The following LARGE1 variants were observed in gnomAD, a reference collection of about 807,000 sequenced individuals.
LARGE1 encodes LARGE xylosyl- and glucuronyltransferase 1.
LARGE1 carries 43 observed loss-of-function variants against 87.6 expected under a neutral mutation model. The ratio of observed to expected loss-of-function variants is 0.49; its 90% confidence interval spans 0.38 to 0.63. LARGE1 has a LOEUF of 0.63. LARGE1 is among the 30% of genes least tolerant of loss of function. The pLI, the probability that LARGE1 is intolerant of heterozygous loss-of-function variation, is 0.00. For missense variants in LARGE1, 802 were observed against 1,000.2 expected, an observed-to-expected ratio of 0.80 and a Z score of 2.67; for synonymous variants, 434 against 394.6, an observed-to-expected ratio of 1.10 and a Z score of -1.18.
intron 1 of LARGE1, among the ~76,000 whole-genome samples, chr22:33,843,996 T>C (rs953568091): frequency 2.6e-5 from 4 of 151,382 alleles, no homozygotes; most frequent in African/African-American, 9.7e-5. Flanking sequence ...GGAGAATCGC[T>C]TGAACCCGGG....
At chr22:33,577,141 T>C (rs1428272914) in intron 5 of LARGE1, among the ~76,000 whole-genome samples, 1 of 152,192 alleles carries the variant, frequency 6.6e-6, no homozygotes, top group African/African-American at 2.4e-5. Context: ...ACTGCATGCA[T>C]TCTTAACAGA....
chr22:33,904,883 T>C (rs1179005643), intron 1 of LARGE1, among the ~76,000 whole-genome samples: 4 of 152,134 alleles, frequency 2.6e-5, no homozygotes, highest in Non-Finnish European at 5.9e-5. Context: ...TCAAGTGTGC[T>C]TAATCAGGAG....
chr22:33,713,982 G>GTAACGTAACATAACA (rs1556008353), intron 2 of LARGE1, among the ~76,000 whole-genome samples: 9 of 126,250 alleles, frequency 7.1e-5, no homozygotes, highest in Admixed American at 5.7e-4. Flanking sequence ...GTAACATAAC[G>GTAACGTAACATAACA]TAACATAACA....
chr22:33,814,755 T>C (rs1210657627), intron 1 of LARGE1, among the ~76,000 whole-genome samples: 1 of 151,670 alleles, frequency 6.6e-6, no homozygotes, highest in Non-Finnish European at 1.5e-5. Flanking sequence ...TGTGTGTTTA[T>C]ACAACTACAC....
intron 11 of LARGE1, among the ~76,000 whole-genome samples, chr22:33,246,652 A>G (rs1926774321): frequency 6.6e-6 from 1 of 152,232 alleles, no homozygotes; most frequent in African/African-American, 2.4e-5. Context: ...TCTAAAAAAT[A>G]AATAAATAAC....
chr22:33,095,957 A>T, the LARGE1 span, among the ~76,000 whole-genome samples: 1 of 152,160 alleles, frequency 6.6e-6, no homozygotes, highest in Admixed American at 6.5e-5. Flanking sequence ...GTCCAGCTGG[A>T]ACCCCCATTC....
intron 10 of LARGE1, among the ~76,000 whole-genome samples, chr22:33,334,507 T>A (rs1322876518): frequency 6.6e-6 from 1 of 151,170 alleles, no homozygotes; most frequent in Non-Finnish European, 1.5e-5. Flanking sequence ...GGGTAGGGGA[T>A]TGCAAAGTTT....
At chr22:33,594,486 C>T (rs1196297181) in intron 5 of LARGE1, among the ~76,000 whole-genome samples, 1 of 152,192 alleles carries the variant, frequency 6.6e-6, no homozygotes, top group Non-Finnish European at 1.5e-5. Flanking sequence ...AATTTCCTAA[C>T]CTCATCATAA....
intron 6 of LARGE1, among the ~76,000 whole-genome samples, chr22:33,467,985 C>T (rs143316494): frequency 5.3e-4 from 81 of 152,224 alleles, no homozygotes; most frequent in Non-Finnish European, 7.6e-4. Context: ...CCTCAATGTT[C>T]GGGCAAATCT....
At chr22:33,496,684 C>T (rs995230512) in intron 6 of LARGE1, among the ~76,000 whole-genome samples, 9 of 152,212 alleles carry the variant, frequency 5.9e-5, no homozygotes, top group Non-Finnish European at 1.3e-4. Flanking sequence ...CAATGAACTA[C>T]GCTATCGTTT....
At chr22:33,789,124 C>T (rs1299227751) in intron 1 of LARGE1, among the ~76,000 whole-genome samples, 3 of 152,282 alleles carry the variant, frequency 2.0e-5, no homozygotes, top group East Asian at 1.9e-4. Context: ...AAAATGGTTT[C>T]GTGGGTCAGG....
chr22:33,647,979 A>C (rs1380557650), intron 3 of LARGE1, among the ~76,000 whole-genome samples: 1 of 152,078 alleles, frequency 6.6e-6, no homozygotes, highest in Admixed American at 6.6e-5. Context: ...GGATGGTCTC[A>C]ATCTGTTGAC....
intron 2 of LARGE1, among the ~76,000 whole-genome samples, chr22:33,742,402 T>G (rs2083917757): frequency 6.6e-6 from 1 of 152,204 alleles, no homozygotes; most frequent in Non-Finnish European, 1.5e-5. Context: ...AAGGAGGCGA[T>G]CACTCACTCA....
rs59984379 is a variant in LARGE1 at position 33,713,359 on chromosome 22, G to T, written c.106+48012C>A. ...CCACATTAAAATGTATCCCTAAACA[G>T]CCTTTCGCTAGGAATCCCCCCTGCT... On this transcript the variant is annotated intron_variant, in intron 2 of 14. Transcript: ENST00000397394. 2.5e-4 allele frequency among the ~76,000 whole-genome samples: 38 copies of T among 152,254 alleles called. No individual in the cohort carries two copies. In the East Asian group the frequency reaches 6.8e-3, roughly 27 times the overall value.
At chr22:33,557,552 G>A (rs5999011) in intron 6 of LARGE1, among the ~76,000 whole-genome samples, 3 of 151,938 alleles carry the variant, frequency 2.0e-5, no homozygotes. Context: ...TCAATACTGG[G>A]AGTGCAGGAG....
At chr22:33,913,348 A>G (rs1470756625) in intron 1 of LARGE1, among the ~76,000 whole-genome samples, 1 of 152,214 alleles carries the variant, frequency 6.6e-6, no homozygotes, top group Non-Finnish European at 1.5e-5. Context: ...GAGTACTGTT[A>G]TCTCCAGGCA....
intron 11 of LARGE1, among the ~76,000 whole-genome samples, chr22:33,315,443 C>T (rs1936049374): frequency 6.6e-6 from 1 of 152,174 alleles, no homozygotes; most frequent in African/African-American, 2.4e-5. Context: ...AACAGCGTTG[C>T]TTTCCAGCCG....
intron 1 of LARGE1, among the ~76,000 whole-genome samples, chr22:33,826,054 C>T (rs73171926): frequency 0.024 from 3,600 of 152,254 alleles, 54 homozygotes; most frequent in Middle Eastern, 0.051. Context: ...GGAGTGTTCA[C>T]TTCTGTCTTT....
At chr22:33,830,888 G>T (rs1324826496) in intron 1 of LARGE1, among the ~76,000 whole-genome samples, 1 of 152,132 alleles carries the variant, frequency 6.6e-6, no homozygotes. Context: ...GCTCTCTGAG[G>T]TCTCTTTATA....
Sources: gnomAD v4.1 joint callset for allele counts (sites outside exome capture counted in the v4.1 genomes callset) on GRCh38, gnomAD v4.1.1 for gene constraint, MANE v1.5 for transcripts, NCBI Gene and HGNC (gene_info 2026-07-23, HGNC 2026-07-21) for gene names.